Variants in DLL1 observed in about 807,000 individuals in gnomAD.
DLL1 encodes the protein delta like canonical Notch ligand 1, also known as delta-like protein 1.
A neutral mutation model predicts 75.1 loss-of-function variants in DLL1; 9 were observed. The observed-to-expected ratio is 0.12, with a 90% CI of 0.07 to 0.21. The LOEUF (loss-of-function observed/expected upper bound fraction) is 0.21, where lower values mean the gene tolerates loss of function less well. DLL1 is among the 10% of genes least tolerant of loss of function. The probability of loss-of-function intolerance (pLI) is 1.00; values close to 1 mark genes in which losing one functional copy is unlikely to be tolerated. For synonymous variants in DLL1, 477 were observed against 418.3 expected, an observed-to-expected ratio of 1.14 and a Z score of -1.71; for missense variants, 837 against 1,007.6, an observed-to-expected ratio of 0.83 and a Z score of 2.29.
chr6:170,283,713 C>A lies in DLL1; in HGVS notation c.1566G>T (p.Glu522Asp). 1 of 1,551,714 alleles carries A rather than the reference C, an allele frequency of 6.4e-7. No homozygotes were observed. The highest frequency in any genetic ancestry group is 8.7e-7 in the Non-Finnish European group (1 of 1,148,218). The change falls in exon 9 of 11, where the codon GAG becomes GAT. Residue 522 changes from glutamate (E) to aspartate (D), a missense_variant. Coordinates refer to ENST00000366756, the MANE Select transcript of DLL1 (RefSeq NM_005618.4). ...CCACCACCGCTGGGCCCGGGGGCAG[C>A]TCGGGGAGCAGGAACTGGCAGTTGG... is the stretch of plus-strand genomic sequence containing the variant. ...GGPNCQFLLPELPPGPAVVDL... is the reference protein window; with the variant it reads ...GGPNCQFLLPDLPPGPAVVDL...
In DLL1 at chr6:170,288,499, A is replaced by G. The variant is rs1316232327; in HGVS notation, c.413-3T>C. The G allele has an allele frequency of 3.1e-6, 5 of 1,613,962 alleles. No individual in the cohort carries two copies. The highest frequency in any genetic ancestry group is 2.2e-5 in the South Asian group (2 of 91,074). The stretch of plus-strand genomic sequence containing the variant: ...GCTGATGAGTCTTTCTGGGTTTTCT[A>G]CGGGGAGAAGATGCTCCTGGTTGGT... On this transcript the variant is annotated splice_region_variant and splice_polypyrimidine_tract_variant and intron_variant, in intron 3 of 10. Transcript: ENST00000366756.
chr6:170,288,717 T>C lies in DLL1; in HGVS notation c.412+12A>G. The C allele has an allele frequency of 6.2e-7, 1 of 1,614,012 alleles. No homozygotes were observed. The highest frequency in any genetic ancestry group is 8.5e-7 in the Non-Finnish European group (1 of 1,179,992). On this transcript the variant is annotated intron_variant, in intron 3 of 10. Transcript: ENST00000366756. Reference sequence around the variant, plus strand: ...GGGGAAAGCAGTTTTGGGGTTTGGGTTTTGTTTTTACCTGTTGCGAGGTCA... The same window carrying C: ...GGGGAAAGCAGTTTTGGGGTTTGGGCTTTGTTTTTACCTGTTGCGAGGTCA...
At chr6:170,289,986 G>C in intron 1 of DLL1, 100 bp downstream of exon 1, 4 of 1,339,370 alleles carry the variant, frequency 3.0e-6, no homozygotes, top group Non-Finnish European at 3.8e-6. Context: ...TGGCTGGCGC[G>C]GCCCGTGCCG....
In DLL1 at chr6:170,285,719, C is replaced by G; in HGVS notation, c.732-20G>C. ...CTGCACCTTGGAGAAAAGCAGAAGA[C>G]TCAGATGGACGTTGACTGTTGCTGG... On this transcript the variant is annotated intron_variant, in intron 5 of 10. Coordinates refer to ENST00000366756, the MANE Select transcript of DLL1 (RefSeq NM_005618.4). 6.2e-7 allele frequency: 1 copy of G among 1,614,084 alleles called. No individual in the cohort carries two copies. Among genetic ancestry groups the G allele is most frequent in the Non-Finnish European group, 8.5e-7 (1 of 1,180,046 alleles).
In DLL1 at chr6:170,290,413, C is replaced by A. The variant is rs966925607; in HGVS notation, c.-274G>T. The A allele has an allele frequency of 7.5e-5, 31 of 411,942 alleles. No individual in the cohort carries two copies. The highest frequency in any genetic ancestry group is 1.2e-4 in the Non-Finnish European group (29 of 234,316). The allele number at this position is 411,942 out of a possible 1,614,324, so 25.5% of individuals were successfully genotyped here. ...TCGGGGGACAGCGCGGCGGCGGCGA[C>A]TTTCGTTTTCCTCCTTCCTCCCAGC... On this transcript the variant is annotated 5_prime_UTR_variant, in exon 1 of 11. Coordinates refer to ENST00000366756, the MANE Select transcript of DLL1 (RefSeq NM_005618.4). This position sits in a 1 kb window ranked among gnomAD's most constrained non-coding sequence, Gnocchi z 4.7.
Position 170,283,839 on chromosome 6 carries a change from G to A in DLL1, c.1440C>T (p.Ala480=). ...PPGYTGRNCS[A]PVSRCEHAPC... ...GTGCGTGCTCGCACCTGCTGACGGG[G>A]GCACTGCAGTTCCTGCCCGTGTAGC... The change falls in exon 9 of 11, where the codon GCC becomes GCT. Residue 480 remains alanine (A), a synonymous_variant. Transcript: ENST00000366756. 2 of 1,603,810 alleles carry A rather than the reference G, an allele frequency of 1.2e-6. No homozygotes were observed. Among genetic ancestry groups the A allele is most frequent in the South Asian group, 1.1e-5 (1 of 90,384 alleles).
In DLL1 at chr6:170,283,589, C is replaced by G; in HGVS notation, c.1690G>C (p.Ala564Pro). Residue 564 changes from alanine to proline, a missense_variant, in exon 9 of 11, where the codon GCT becomes CCT. Transcript: ENST00000366756. The stretch of plus-strand genomic sequence containing the variant: ...CTCAGCCGGACGCAGACCACCACAG[C>G]GGCACAGCCCAGCAGCAGCATGAGG... ...LVLMLLLGCA[A>P]VVVCVRLRLQ... 4 of 1,612,654 alleles carry G rather than the reference C, an allele frequency of 2.5e-6. No individual in the cohort carries two copies. Among genetic ancestry groups the G allele is most frequent in the Non-Finnish European group, 3.4e-6 (4 of 1,179,840 alleles).
Position 170,290,907 on chromosome 6 carries a change from C to T in DLL1, c.-768G>A. The stretch of plus-strand genomic sequence containing the variant: ...TCTGCCCTCGGCCGGGTCGGGTCTC[C>T]GCGGGTGCGCGCAGAGGATCTGGCT... On this transcript the variant is annotated 5_prime_UTR_variant, in exon 1 of 11. Transcript: ENST00000366756. The surrounding 1 kb of genome is among the most constrained non-coding windows in gnomAD (Gnocchi z 4.7). 1.4e-6 allele frequency: 1 copy of T among 694,908 alleles called. No homozygotes were observed. Among genetic ancestry groups the T allele is most frequent in the Non-Finnish European group, 2.6e-6 (1 of 381,092 alleles). 43.0% of individuals were successfully genotyped at this position (694,908 alleles called of 1,614,324 possible).
At position 170,283,716 on chromosome 6, in the gene DLL1, G is replaced by T; in HGVS notation, c.1563C>A (p.Pro521=). The T allele has an allele frequency of 1.3e-6, 2 of 1,551,330 alleles. No individual in the cohort carries two copies. The highest frequency in any genetic ancestry group is 2.4e-5 in the East Asian group (1 of 42,114). ...CCACCGCTGGGCCCGGGGGCAGCTC[G>T]GGGAGCAGGAACTGGCAGTTGGGAC... is the stretch of plus-strand genomic sequence containing the variant. ...YGGPNCQFLL[P]ELPPGPAVVD... is the part of the protein sequence containing the mutation. Residue 521 remains proline (P), a synonymous_variant, in exon 9 of 11, where the codon CCC becomes CCA. Transcript: ENST00000366756.
chr6:170,289,715 C>T lies in DLL1; in HGVS notation c.148G>A (p.Gly50Arg). 6.5e-7 allele frequency: 1 copy of T among 1,549,252 alleles called. No homozygotes were observed. Among genetic ancestry groups the T allele is most frequent in the Non-Finnish European group, 8.7e-7 (1 of 1,146,698 alleles). ...GTCCGGCAGGCGCACGGCGGTGGCC[C>T]CGCGCCCCCGCGGCAGCAGTTGCGG... Reference protein sequence around the residue: ...GNRNCCRGGAGPPPCACRTFF... With the variant: ...GNRNCCRGGARPPPCACRTFF... Residue 50 changes from glycine to arginine, a missense_variant, in exon 2 of 11, where the codon GGG becomes AGG. By Grantham distance (125) the Gly-to-Arg change is moderately radical. This residue lies in a region of DLL1 where 304 missense variants were observed against 461.9 expected (regional missense o/e 0.66). Coordinates refer to ENST00000366756, the MANE Select transcript of DLL1 (RefSeq NM_005618.4).
Position 170,289,598 on chromosome 6 carries a change from C to T in DLL1, c.265G>A (p.Val89Ile). 6.5e-7 allele frequency: 1 copy of T among 1,535,916 alleles called. No individual in the cohort carries two copies. Among genetic ancestry groups the T allele is most frequent in the Non-Finnish European group, 8.7e-7 (1 of 1,146,438 alleles). The change falls in exon 2 of 11, where the codon GTC becomes ATC. Residue 89 changes from valine (V) to isoleucine (I), a missense_variant. This residue lies in a region of DLL1 where 304 missense variants were observed against 461.9 expected (regional missense o/e 0.66). Coordinates refer to ENST00000366756, the MANE Select transcript of DLL1 (RefSeq NM_005618.4). ...CCGTCGGGCAGACTGAAGGAGTCGA[C>T]GCCCAGCACGGGGGTGACGGCGCTG... ...YGSAVTPVLGVDSFSLPDGGG... is the reference protein window; with the variant it reads ...YGSAVTPVLGIDSFSLPDGGG...
Position 170,282,838 on chromosome 6 carries a change from T to C in DLL1, c.*36A>G. 1 of 1,613,972 alleles carries C rather than the reference T, an allele frequency of 6.2e-7. No individual in the cohort carries two copies. Among genetic ancestry groups the C allele is most frequent in the South Asian group, 1.1e-5 (1 of 91,072 alleles). The stretch of plus-strand genomic sequence containing the variant: ...TATATCCTTGGAATTTTACTTATTT[T>C]AAGAGAAACGGGAGTCTTGCCATCT... On this transcript the variant is annotated 3_prime_UTR_variant, in exon 11 of 11. Transcript: ENST00000366756.
rs1783842451 is a variant in DLL1, at chr6:170,290,676, G to T, written c.-537C>A. 3.4e-6 allele frequency: 1 copy of T among 298,460 alleles called. No individual in the cohort carries two copies. Among genetic ancestry groups the T allele is most frequent in the Non-Finnish European group, 6.2e-6 (1 of 161,092 alleles). 18.5% of individuals were successfully genotyped at this position (298,460 alleles called of 1,614,324 possible). On this transcript the variant is annotated 5_prime_UTR_variant, in exon 1 of 11. Coordinates refer to ENST00000366756, the MANE Select transcript of DLL1 (RefSeq NM_005618.4). This position sits in a 1 kb window ranked among gnomAD's most constrained non-coding sequence, Gnocchi z 4.7. ...ACGGTCGGCGGCGGCGGGTGTGCGC[G>T]GCGGCCCCTGCGGATCGCGGCCCGG...
chr6:170,289,032 A>G (rs767065103), intron 2 of DLL1: 23 of 609,950 alleles, frequency 3.8e-5, no homozygotes, highest in Non-Finnish European at 5.8e-5. Flanking sequence ...ACAGGATATT[A>G]CGTTGTTTTT....
In DLL1 at chr6:170,285,101, G is replaced by C; in HGVS notation, c.1067C>G (p.Pro356Arg). The C allele has an allele frequency of 6.2e-7, 1 of 1,614,090 alleles. No homozygotes were observed. The highest frequency in any genetic ancestry group is 8.5e-7 in the Non-Finnish European group (1 of 1,180,022). Reference protein sequence around the residue: ...LENSYSCTCPPGFYGKICELS... With the variant: ...LENSYSCTCPRGFYGKICELS... ...TTCACAGATTTTGCCGTAGAAGCCG[G>C]GTGGGCAGGTACAGGAGTAGCTGTT... The change falls in exon 8 of 11, where the codon CCC becomes CGC. Residue 356 changes from proline (P) to arginine (R), a missense_variant. Pro to Arg is a moderately radical substitution (Grantham distance 103). Transcript: ENST00000366756.
chr6:170,289,185 G>A, intron 2 of DLL1: 1 of 629,478 alleles, frequency 1.6e-6, no homozygotes, highest in Non-Finnish European at 2.9e-6. Context: ...GCGTCTAGGA[G>A]TCGGGAAACC....
chr6:170,288,608 C>T lies in DLL1; in HGVS notation c.413-112G>A, dbSNP rs1444924965. ...GGGAAGGAGGCCCAAGCTGCTCCACCCTGAACTTTCTGGGGCACGTGCAGA... is the reference window on the plus strand; with the variant it reads ...GGGAAGGAGGCCCAAGCTGCTCCACTCTGAACTTTCTGGGGCACGTGCAGA... On this transcript the variant is annotated intron_variant, in intron 3 of 10. Coordinates refer to ENST00000366756, the MANE Select transcript of DLL1 (RefSeq NM_005618.4). 7 of 1,610,426 alleles carry T rather than the reference C, an allele frequency of 4.3e-6. No homozygotes were observed. In the Admixed American group the frequency reaches 1.2e-4, roughly 27 times the overall value.
At position 170,290,902 on chromosome 6, in the gene DLL1, G is replaced by A; in HGVS notation, c.-763C>T. ...TGCGCTCTGCCCTCGGCCGGGTCGG[G>A]TCTCCGCGGGTGCGCGCAGAGGATC... On this transcript the variant is annotated 5_prime_UTR_variant, in exon 1 of 11. Coordinates refer to ENST00000366756, the MANE Select transcript of DLL1 (RefSeq NM_005618.4). This position sits in a 1 kb window ranked among gnomAD's most constrained non-coding sequence, Gnocchi z 4.7. The A allele has an allele frequency of 1.4e-6, 1 of 694,348 alleles. No individual in the cohort carries two copies. The highest frequency in any genetic ancestry group is 2.6e-6 in the Non-Finnish European group (1 of 380,854). The allele number at this position is 694,348 out of a possible 1,614,324, so 43.0% of individuals were successfully genotyped here.
rs750374483 is a variant in DLL1, at chr6:170,283,494, G to C, written c.1785C>G (p.Asn595Lys). The C allele has an allele frequency of 4.3e-6, 7 of 1,613,500 alleles. No homozygotes were observed. Residue 595 changes from asparagine to lysine, a missense_variant, in exon 9 of 11, where the codon AAC becomes AAG. By Grantham distance (94) the Asn-to-Lys change is moderately conservative. Coordinates refer to ENST00000366756, the MANE Select transcript of DLL1 (RefSeq NM_005618.4). Reference protein sequence around the residue: ...GETETMNNLANCQREKDISVS... With the variant: ...GETETMNNLAKCQREKDISVS... ...CTGAGATGTCCTTCTCACGCTGGCA[G>C]TTGGCCAGGTTGTTCATGGTCTCCG...
Sources: gnomAD v4.1 joint callset for allele counts on GRCh38, gnomAD v4.1.1 for gene constraint, gnomAD v4.1.1 regional missense constraint, Gnocchi (gnomAD v3.1) non-coding constraint, MANE v1.5 for transcripts, NCBI Gene and HGNC (gene_info 2026-07-23, HGNC 2026-07-21) for gene names.